CLIC4: variants seen among roughly 807,000 people sequenced by gnomAD.
CLIC4 encodes chloride intracellular channel protein 4.
In CLIC4, 13 loss-of-function variants were observed where a neutral mutation model predicts 24.6. The ratio of observed to expected loss-of-function variants is 0.53; its 90% CI spans 0.34 to 0.84. The LOEUF (loss-of-function observed/expected upper bound fraction) is 0.84. Ranked by LOEUF, CLIC4 falls within the 40% of genes least tolerant of loss-of-function variation. The probability of loss-of-function intolerance (pLI) is 0.01; values close to 1 mark genes in which losing one functional copy is unlikely to be tolerated. For synonymous variants in CLIC4, 104 were observed against 111.3 expected (o/e 0.93, Z 0.41); for missense variants, 227 against 301.7 (o/e 0.75, Z 1.83).
chr1:24,753,833 A>G (rs555784448), intron 1 of CLIC4, among the ~76,000 whole-genome samples: 68 of 152,326 alleles, frequency 4.5e-4, no homozygotes, highest in Admixed American at 2.9e-3. Flanking sequence ...TTGACAGTTT[A>G]AAGTGGGAAT....
At position 24,768,215 on chromosome 1, in the gene CLIC4, A is replaced by G. The variant is rs975290001; in HGVS notation, c.72+22590A>G. On this transcript the variant is annotated intron_variant, in intron 1 of 5. Transcript: ENST00000374379. ...TGGTCCCAAATTCCTGAACTCAAGT[A>G]ATCCCCTTGTGGTGGCGTCCCAAAG... is the stretch of plus-strand genomic sequence containing the variant. 2.0e-5 allele frequency among the ~76,000 whole-genome samples: 3 copies of G among 152,154 alleles called. No homozygotes were observed. The South Asian group carries it at 6.2e-4, about 32-fold the overall frequency.
intron 1 of CLIC4, among the ~76,000 whole-genome samples, chr1:24,757,662 GA>G (rs112697661): frequency 2.6e-5 from 4 of 151,510 alleles, no homozygotes; most frequent in Admixed American, 2.6e-4. Context: ...GACTAATTAG[GA>G]AAAAAAAGAA....
chr1:24,775,224 C>CTTTTTTTTTTTTTT, intron 1 of CLIC4, among the ~76,000 whole-genome samples: 141 of 90,652 alleles, frequency 1.6e-3, no homozygotes, highest in African/African-American at 3.0e-3. Flanking sequence ...TTCTTTCTTT[C>CTTTTTTTTTTTTTT]TTTTTTTTTT....
chr1:24,779,181 T>A (rs1249002035), intron 1 of CLIC4, among the ~76,000 whole-genome samples: 1 of 152,152 alleles, frequency 6.6e-6, no homozygotes, highest in Non-Finnish European at 1.5e-5. Context: ...ATAAAATTAA[T>A]ACCCCAGGCT....
chr1:24,763,217 G>A (rs1319504359), intron 1 of CLIC4, among the ~76,000 whole-genome samples: 3 of 151,928 alleles, frequency 2.0e-5, no homozygotes, highest in Non-Finnish European at 4.4e-5. Context: ...CACTCTGCAA[G>A]TGCAAAAACC....
chr1:24,805,097 AAAAAAAAACAC>A (rs1187889531), intron 2 of CLIC4, among the ~76,000 whole-genome samples: 3 of 143,484 alleles, frequency 2.1e-5, no homozygotes, highest in Admixed American at 7.2e-5. Flanking sequence ...AAAAAAAAAA[AAAAAAAAACAC>A]AAAAACAAAG....
At chr1:24,753,566 C>T (rs1032400856) in intron 1 of CLIC4, among the ~76,000 whole-genome samples, 1 of 152,106 alleles carries the variant, frequency 6.6e-6, no homozygotes, top group African/African-American at 2.4e-5. Context: ...GTGGAAACTC[C>T]TTATGCAGGA....
At chr1:24,777,981 C>G (rs1639160988) in intron 1 of CLIC4, 1 of 152,200 alleles carries the variant, frequency 6.6e-6, no homozygotes, top group African/African-American at 2.4e-5. Flanking sequence ...AGTAAGTACT[C>G]TTTTTAAGTC....
intron 1 of CLIC4, among the ~76,000 whole-genome samples, chr1:24,777,064 C>T (rs886796579): frequency 6.6e-6 from 1 of 152,096 alleles, no homozygotes; most frequent in Admixed American, 6.5e-5. Context: ...TTGTGCTTTT[C>T]GAACCTAAAT....
At chr1:24,745,856 C>T (rs555639535) in intron 1 of CLIC4, among the ~76,000 whole-genome samples, 8 of 151,596 alleles carry the variant, frequency 5.3e-5, no homozygotes, top group Non-Finnish European at 7.4e-5. Flanking sequence ...CCGTCTCCAG[C>T]GCGTAGGCAT....
intron 1 of CLIC4, among the ~76,000 whole-genome samples, chr1:24,768,855 T>A (rs1028153472): frequency 1.3e-5 from 2 of 149,840 alleles, no homozygotes; most frequent in Admixed American, 1.3e-4. Flanking sequence ...GAGCCGAGAT[T>A]GTGCCACTGC....
chr1:24,801,662 C>T (rs1215553597), intron 2 of CLIC4, among the ~76,000 whole-genome samples: 1 of 152,204 alleles, frequency 6.6e-6, no homozygotes, highest in Non-Finnish European at 1.5e-5. Context: ...GCATCACATG[C>T]TGATAGTTAC....
chr1:24,764,672 T>A (rs972205796), intron 1 of CLIC4, among the ~76,000 whole-genome samples: 1 of 151,288 alleles, frequency 6.6e-6, no homozygotes. Context: ...AAAAAAAAAA[T>A]TCATACTCTG....
At chr1:24,807,990 G>A (rs1639570893) in intron 2 of CLIC4, among the ~76,000 whole-genome samples, 1 of 144,552 alleles carries the variant, frequency 6.9e-6, no homozygotes. Flanking sequence ...TGCTCTTGTT[G>A]CCCAGGCTGG....
chr1:24,822,210 T>C (rs1639741493), intron 3 of CLIC4, among the ~76,000 whole-genome samples: 1 of 152,182 alleles, frequency 6.6e-6, no homozygotes, highest in Non-Finnish European at 1.5e-5. Context: ...TAATTGGGAT[T>C]GTGCTTTAAT....
chr1:24,771,510 A>G (rs1210098139), intron 1 of CLIC4, among the ~76,000 whole-genome samples: 1 of 152,072 alleles, frequency 6.6e-6, no homozygotes, highest in African/African-American at 2.4e-5. Context: ...CTAAGGGACT[A>G]TTTTCTTCAT....
At chr1:24,746,906 T>A (rs980777596) in intron 1 of CLIC4, among the ~76,000 whole-genome samples, 1 of 152,104 alleles carries the variant, frequency 6.6e-6, no homozygotes, top group African/African-American at 2.4e-5. Flanking sequence ...GGAGAACTGC[T>A]TGAGCCCGGG....
chr1:24,759,407 G>A (rs971805030), intron 1 of CLIC4, among the ~76,000 whole-genome samples: 2 of 151,860 alleles, frequency 1.3e-5, no homozygotes, highest in Non-Finnish European at 2.9e-5. Context: ...CAGATGGTGA[G>A]TAAATGAGCC....
intron 4 of CLIC4, among the ~76,000 whole-genome samples, chr1:24,838,287 G>T (rs66519614): frequency 0.33 from 50,702 of 151,912 alleles, 8,809 homozygotes; most frequent in Middle Eastern, 0.51. Context: ...TGTAGGAGGG[G>T]CTCAATTATA....
Sources: allele counts gnomAD v4.1 joint callset (sites outside exome capture counted in the v4.1 genomes callset), GRCh38; gene constraint gnomAD v4.1.1; transcripts MANE v1.5; gene names NCBI Gene and HGNC (gene_info 2026-07-23, HGNC 2026-07-21).